The following SDK1 variants were observed in gnomAD, a reference collection of about 807,000 sequenced individuals.
The protein encoded by SDK1 is sidekick cell adhesion molecule 1, also known as protein sidekick-1.
In SDK1, 157 loss-of-function variants were observed where a neutral mutation model predicts 245.5. That is an observed-to-expected ratio of 0.64 (90% CI 0.56 to 0.73). The LOEUF is 0.73. Among genes scored for constraint, SDK1 ranks in the 30% least tolerant of loss-of-function variants. The pLI is 0.00. For missense variants in SDK1, 3,583 were observed against 3,002.3 expected, an observed-to-expected ratio of 1.19 and a Z score of -4.52; for synonymous variants, 1,647 against 1,278.5, an observed-to-expected ratio of 1.29 and a Z score of -6.15.
intron 19 of SDK1, among the ~76,000 whole-genome samples, chr7:4,065,421 G>A (rs532823723): frequency 1.9e-4 from 29 of 151,938 alleles, no homozygotes; most frequent in African/African-American, 6.8e-4. Flanking sequence ...AGAGCTAGAG[G>A]ACAGCATCTT....
In SDK1 at chr7:4,227,872, C is replaced by T. The variant is rs1785532787; in HGVS notation, c.5828-5383C>T. On this transcript the variant is annotated intron_variant, in intron 40 of 44. Coordinates refer to ENST00000404826, the MANE Select transcript of SDK1 (RefSeq NM_152744.4). ...CATTGTCTGGGAACAGATGTGCCTC[C>T]TACCGCTTGGGCGGGGGGAGATGCT... 3.9e-5 allele frequency among the ~76,000 whole-genome samples: 6 copies of T among 152,200 alleles called. No individual in the cohort carries two copies. In the South Asian group the frequency reaches 1.2e-3, roughly 31 times the overall value.
intron 40 of SDK1, among the ~76,000 whole-genome samples, chr7:4,224,707 G>A (rs1364259557): frequency 1.3e-5 from 2 of 152,068 alleles, no homozygotes; most frequent in Non-Finnish European, 2.9e-5. Flanking sequence ...GGTGCCGAGA[G>A]CAGATTAAAA....
At chr7:4,194,019 C>G (rs1046727011) in intron 35 of SDK1, among the ~76,000 whole-genome samples, 5 of 152,148 alleles carry the variant, frequency 3.3e-5, no homozygotes, top group Admixed American at 1.3e-4. Flanking sequence ...ATTCTCCATA[C>G]TACTAGAAGT....
At chr7:3,328,281 A>T (rs1779983533) in intron 1 of SDK1, among the ~76,000 whole-genome samples, 1 of 152,154 alleles carries the variant, frequency 6.6e-6, no homozygotes, top group African/African-American at 2.4e-5. Flanking sequence ...AATTATTTGA[A>T]ATGAAGTAAT....
chr7:3,893,372 G>C (rs374308251), intron 5 of SDK1, among the ~76,000 whole-genome samples: 2 of 152,220 alleles, frequency 1.3e-5, no homozygotes, highest in African/African-American at 4.8e-5. Context: ...CGGTTGGCTT[G>C]CTATGCTTAT....
At chr7:4,136,715 C>T (rs960437481) in intron 28 of SDK1, among the ~76,000 whole-genome samples, 10 of 152,260 alleles carry the variant, frequency 6.6e-5, no homozygotes, top group Non-Finnish European at 1.3e-4. Flanking sequence ...TCTTCAGACC[C>T]ACTTGGGCCT....
At chr7:4,210,275 G>A (rs552801393) in intron 38 of SDK1, 113 bp downstream of exon 38, 58 of 1,127,470 alleles carry the variant, frequency 5.1e-5, no homozygotes, top group Admixed American at 3.9e-4. Flanking sequence ...GCCTTCTGGC[G>A]CCTGAAGTGG....
At position 3,959,000 on chromosome 7, in the gene SDK1, G is replaced by C. The variant is rs749157703; in HGVS notation, c.1220G>C (p.Gly407Ala). ...GAAGTAGAAGAAACTGTGGACATCG[G>C]ATGTCAAGCCATGGGTGAGTGCAGA... is the stretch of plus-strand genomic sequence containing the variant. ...SAEVEETVDI[G>A]CQAMGVPLPT... The change falls in exon 8 of 45, where the codon GGA (glycine) becomes GCA (alanine). Residue 407 changes from glycine (G) to alanine (A), a missense_variant. Transcript: ENST00000404826. The C allele has an allele frequency of 1.2e-6, 2 of 1,613,734 alleles. No homozygotes were observed. The highest frequency in any genetic ancestry group is 8.5e-7 in the Non-Finnish European group (1 of 1,179,776).
intron 1 of SDK1, among the ~76,000 whole-genome samples, chr7:3,526,958 G>T (rs775948122): frequency 2.0e-5 from 3 of 152,134 alleles, no homozygotes; most frequent in African/African-American, 4.8e-5. Flanking sequence ...ACAGGAGGTT[G>T]TCAGTTAACT....
chr7:3,910,854 C>A (rs528130835), intron 5 of SDK1, among the ~76,000 whole-genome samples: 2 of 152,150 alleles, frequency 1.3e-5, no homozygotes, highest in Non-Finnish European at 2.9e-5. Context: ...CCAGTTAGTC[C>A]GGATAATCGG....
intron 25 of SDK1, among the ~76,000 whole-genome samples, chr7:4,125,346 T>C (rs1276333486): frequency 1.4e-5 from 2 of 146,940 alleles, no homozygotes; most frequent in Non-Finnish European, 3.0e-5. Flanking sequence ...AATGAATAGA[T>C]GGATGGATGG....
At chr7:3,902,728 G>A (rs956575391) in intron 5 of SDK1, among the ~76,000 whole-genome samples, 9 of 152,198 alleles carry the variant, frequency 5.9e-5, no homozygotes, top group African/African-American at 1.9e-4. Flanking sequence ...CCCTGTCCAT[G>A]CCTTGTACTC....
chr7:3,784,343 C>T (rs182621459), intron 4 of SDK1, among the ~76,000 whole-genome samples: 11 of 152,168 alleles, frequency 7.2e-5, no homozygotes, highest in East Asian at 1.9e-4. Context: ...TAGATTCTTA[C>T]TTCACACCAT....
At chr7:3,927,747 TGTC>T (rs1463897072) in intron 5 of SDK1, among the ~76,000 whole-genome samples, 1 of 152,220 alleles carries the variant, frequency 6.6e-6, no homozygotes, top group East Asian at 1.9e-4. Flanking sequence ...GTAAAAATAA[TGTC>T]GTCAAATTTC....
chr7:3,862,198 T>A (rs889214806), intron 5 of SDK1, among the ~76,000 whole-genome samples: 2 of 152,158 alleles, frequency 1.3e-5, no homozygotes, highest in Non-Finnish European at 2.9e-5. Context: ...GGCTGCATAT[T>A]TGAACCACAT....
chr7:3,494,133 C>T (rs1316808565), intron 1 of SDK1, among the ~76,000 whole-genome samples: 1 of 152,048 alleles, frequency 6.6e-6, no homozygotes, highest in African/African-American at 2.4e-5. Context: ...GTGAAACCTC[C>T]CTCCTCCCCA....
intron 1 of SDK1, among the ~76,000 whole-genome samples, chr7:3,406,109 C>G (rs191648354): frequency 1.3e-5 from 2 of 151,940 alleles, no homozygotes; most frequent in Non-Finnish European, 2.9e-5. Flanking sequence ...CACCGCTCCT[C>G]GTCTGTTGTG....
At chr7:3,805,305 T>A (rs1279841688) in intron 4 of SDK1, among the ~76,000 whole-genome samples, 2 of 152,254 alleles carry the variant, frequency 1.3e-5, no homozygotes, top group Admixed American at 6.5e-5. Context: ...GTATTTCCTG[T>A]GTAGACCACG....
At chr7:3,371,756 G>T (rs764862686) in intron 1 of SDK1, among the ~76,000 whole-genome samples, 1 of 152,162 alleles carries the variant, frequency 6.6e-6, no homozygotes, top group African/African-American at 2.4e-5. Flanking sequence ...CTTCACCCAA[G>T]AGGAGTTCCT....
Sources: gnomAD v4.1 joint callset for allele counts (sites outside exome capture counted in the v4.1 genomes callset) on GRCh38, gnomAD v4.1.1 for gene constraint, MANE v1.5 for transcripts, NCBI Gene and HGNC (gene_info 2026-07-23, HGNC 2026-07-21) for gene names.